MTPAP: variants seen among roughly 807,000 people sequenced by gnomAD.
MTPAP encodes the protein mitochondrial poly(A) polymerase, also known as poly(A) RNA polymerase, mitochondrial.
In MTPAP, 23 loss-of-function variants were observed where a neutral mutation model predicts 48.7. The ratio of observed to expected loss-of-function variants is 0.47; its 90% CI spans 0.34 to 0.67. The LOEUF is 0.67. Ranked by LOEUF, MTPAP falls within the 30% of genes least tolerant of loss-of-function variation. The pLI is 0.01. For missense variants in MTPAP, 614 were observed against 694.3 expected (o/e 0.88, Z 1.30); for synonymous variants, 257 against 254.1 (o/e 1.01, Z -0.11).
At chr10:30,330,993 T>C (rs1834659309) in intron 4 of MTPAP, among the ~76,000 whole-genome samples, 1 of 152,148 alleles carries the variant, frequency 6.6e-6, no homozygotes, top group Non-Finnish European at 1.5e-5. Context: ...ATCTTTGAGA[T>C]ATGGGAGTTG....
At chr10:30,324,532 C>T (rs2484285) in intron 5 of MTPAP, among the ~76,000 whole-genome samples, 33,614 of 151,712 alleles carry the variant, frequency 0.22, 4,053 homozygotes, top group East Asian at 0.28. Flanking sequence ...TCAGCCTGGG[C>T]AACAGAGAGA....
At chr10:30,346,693 C>T (rs1834876834) in intron 1 of MTPAP, among the ~76,000 whole-genome samples, 1 of 152,178 alleles carries the variant, frequency 6.6e-6, no homozygotes, top group Non-Finnish European at 1.5e-5. Flanking sequence ...AACAGCTAAA[C>T]CTGTTCAGGT....
intron 6 of MTPAP, 80 bp from the exon 7 acceptor site, chr10:30,316,290 T>C: frequency 5.4e-6 from 6 of 1,108,142 alleles, no homozygotes; most frequent in Non-Finnish European, 8.0e-6. Flanking sequence ...TCATCCAGGC[T>C]GGAGTGTAGC....
intron 1 of MTPAP, among the ~76,000 whole-genome samples, chr10:30,346,944 G>A (rs942017059): frequency 6.6e-6 from 1 of 152,066 alleles, no homozygotes; most frequent in African/African-American, 2.4e-5. Flanking sequence ...AAGATTATAA[G>A]GCCACCAAAA....
At chr10:30,342,219 G>C (rs369342916) in intron 1 of MTPAP, among the ~76,000 whole-genome samples, 1 of 152,154 alleles carries the variant, frequency 6.6e-6, no homozygotes, top group East Asian at 1.9e-4. Context: ...CTGGGCAACA[G>C]AGCGAGACTC....
At chr10:30,342,113 G>A (rs1834817008) in intron 1 of MTPAP, among the ~76,000 whole-genome samples, 1 of 152,098 alleles carries the variant, frequency 6.6e-6, no homozygotes, top group South Asian at 2.1e-4. Context: ...GCGCGCGCCT[G>A]TAGTCCCAGC....
intron 1 of MTPAP, among the ~76,000 whole-genome samples, chr10:30,346,930 G>T (rs2480294): frequency 2.0e-5 from 3 of 151,948 alleles, no homozygotes; most frequent in African/African-American, 7.3e-5. Context: ...ATGTAGAAGA[G>T]CCCAAGATTA....
chr10:30,314,884 C>CAAAAAAAAAAACAAAA, intron 8 of MTPAP, among the ~76,000 whole-genome samples: 1 of 110,746 alleles, frequency 9.0e-6, no homozygotes, highest in Non-Finnish European at 1.8e-5. Context: ...AAAACAAAAA[C>CAAAAAAAAAAACAAAA]AAAAAAAAAA....
At chr10:30,318,685 T>G (rs1466599950) in intron 6 of MTPAP, among the ~76,000 whole-genome samples, 1 of 152,158 alleles carries the variant, frequency 6.6e-6, no homozygotes, top group Non-Finnish European at 1.5e-5. Context: ...GAACCAAATA[T>G]GAAAGTTAAT....
At chr10:30,330,465 C>G (rs1301971663) in intron 4 of MTPAP, among the ~76,000 whole-genome samples, 1 of 152,154 alleles carries the variant, frequency 6.6e-6, no homozygotes, top group Admixed American at 6.5e-5. Flanking sequence ...TCAGAAGCAA[C>G]AGAAGGATTA....
intron 1 of MTPAP, among the ~76,000 whole-genome samples, chr10:30,343,345 T>C (rs1025285283): frequency 1.3e-5 from 2 of 150,306 alleles, no homozygotes; most frequent in East Asian, 2.0e-4. Flanking sequence ...ACCCAGGAGG[T>C]TGCAGTGATC....
chr10:30,348,958 T>C (rs373511359), intron 1 of MTPAP, 161 bp downstream of exon 1: 2 of 1,063,368 alleles, frequency 1.9e-6, no homozygotes, highest in African/African-American at 1.6e-5. Flanking sequence ...GCGGCGACCC[T>C]GGGTTCCCCT....
At chr10:30,337,563 C>T (rs1368506721) in intron 3 of MTPAP, among the ~76,000 whole-genome samples, 3 of 152,054 alleles carry the variant, frequency 2.0e-5, no homozygotes, top group South Asian at 2.1e-4. Flanking sequence ...AGCAGGACCT[C>T]GTCTCTATTT....
At chr10:30,342,625 G>T (rs992080798) in intron 1 of MTPAP, among the ~76,000 whole-genome samples, 7 of 151,126 alleles carry the variant, frequency 4.6e-5, no homozygotes, top group Admixed American at 2.0e-4. Context: ...TGTGCAAATT[G>T]TAACATTCCA....
chr10:30,329,705 G>A (rs1834643069), intron 4 of MTPAP, among the ~76,000 whole-genome samples: 1 of 151,992 alleles, frequency 6.6e-6, no homozygotes, highest in Non-Finnish European at 1.5e-5. Context: ...TATATAGTTG[G>A]CAATAAAGAG....
Position 30,349,276 on chromosome 10 carries a change from TG to T in MTPAP, c.-2del. 2.7e-6 allele frequency: 3 copies of T among 1,109,468 alleles called. No homozygotes were observed. The highest frequency in any genetic ancestry group is 3.5e-6 in the Non-Finnish European group (3 of 853,988). The allele number at this position is 1,109,468 out of a possible 1,614,324, so 68.7% of individuals were successfully genotyped here. Reference sequence around the variant, plus strand: ...AGAGCCCCACGCCGGGAACCGCCATTGCTAAAAAAAAAAAAAAAAAAAAAAC... The same window carrying T: ...AGAGCCCCACGCCGGGAACCGCCATTCTAAAAAAAAAAAAAAAAAAAAAAC... On this transcript the variant is annotated 5_prime_UTR_variant, in exon 1 of 9. Transcript: ENST00000263063.
intron 4 of MTPAP, among the ~76,000 whole-genome samples, chr10:30,330,464 A>G (rs1378740464): frequency 2.0e-5 from 3 of 152,214 alleles, no homozygotes; most frequent in African/African-American, 7.2e-5. Context: ...CTCAGAAGCA[A>G]CAGAAGGATT....
chr10:30,324,332 A>T (rs1020751117), intron 5 of MTPAP, among the ~76,000 whole-genome samples: 6 of 152,184 alleles, frequency 3.9e-5, no homozygotes, highest in Non-Finnish European at 8.8e-5. Context: ...TAACATAGTA[A>T]GACCCTGTCT....
chr10:30,348,912 A>G, intron 1 of MTPAP: 1 of 665,862 alleles, frequency 1.5e-6, no homozygotes, highest in Non-Finnish European at 2.5e-6. Context: ...GTCGCCCCAA[A>G]CAAACATCAC....
Sources: allele counts gnomAD v4.1 joint callset (sites outside exome capture counted in the v4.1 genomes callset), GRCh38; gene constraint gnomAD v4.1.1; transcripts MANE v1.5; gene names NCBI Gene and HGNC (gene_info 2026-07-23, HGNC 2026-07-21).